MYBPC3: variants seen among roughly 807,000 people sequenced by gnomAD.
The protein encoded by MYBPC3 is myosin-binding protein C, cardiac-type.
In MYBPC3, 108 loss-of-function variants were observed where a neutral mutation model predicts 159.3. The observed-to-expected ratio is 0.68, with a 90% CI of 0.58 to 0.80. The LOEUF (loss-of-function observed/expected upper bound fraction) is 0.80. Ranked by LOEUF, MYBPC3 falls within the 30% of genes least tolerant of loss-of-function variation. The probability of loss-of-function intolerance (pLI) is 0.00; values close to 1 mark genes in which losing one functional copy is unlikely to be tolerated. For missense variants in MYBPC3, 1,631 were observed against 1,762.1 expected, an observed-to-expected ratio of 0.93 and a Z score of 1.33; for synonymous variants, 730 against 702.0, an observed-to-expected ratio of 1.04 and a Z score of -0.63.
rs573916965 is a variant in MYBPC3, at chr11:47,346,297, C to A, written c.1000G>T (p.Glu334Ter). The A allele has an allele frequency of 6.2e-7, 1 of 1,613,334 alleles. No homozygotes were observed. Among genetic ancestry groups the A allele is most frequent in the Non-Finnish European group, 8.5e-7 (1 of 1,179,604 alleles). Residue 334 changes from glutamate (E) to a stop codon, truncating the protein, a stop_gained, in exon 12 of 35, where the codon GAG becomes TAG. Coordinates refer to ENST00000545968, the MANE Select transcript of MYBPC3 (RefSeq NM_000256.3). LOFTEE classifies it high-confidence loss of function. This position sits in a 1 kb window ranked among gnomAD's most constrained non-coding sequence, Gnocchi z 5.3. ...ILRQAPPSEYERIAFQYGVTD... is the reference protein window; with the variant it reads ...ILRQAPPSEY ...ACGCCGTACTGGAAGGCGATGCGCTCGTACTCAGATGGGGGTGCCTGCCGT... is the reference window on the plus strand; with the variant it reads ...ACGCCGTACTGGAAGGCGATGCGCTAGTACTCAGATGGGGGTGCCTGCCGT...
chr11:47,337,539 C>G lies in MYBPC3; in HGVS notation c.2454G>C (p.Trp818Cys). 6.2e-7 allele frequency: 1 copy of G among 1,614,012 alleles called. No individual in the cohort carries two copies. Among genetic ancestry groups the G allele is most frequent in the Non-Finnish European group, 8.5e-7 (1 of 1,179,896 alleles). The change falls in exon 25 of 35, where the codon TGG becomes TGC. Residue 818 changes from tryptophan (W) to cysteine (C), a missense_variant. Coordinates refer to ENST00000545968, the MANE Select transcript of MYBPC3 (RefSeq NM_000256.3). ...LERKKKKSYRWMRLNFDLIQE... is the reference protein window; with the variant it reads ...LERKKKKSYRCMRLNFDLIQE... ...GAATCAGGTCGAAGTTCAGCCGCATCCACCGGTAGCTCTTCTTCTTCTTGC... is the reference window on the plus strand; with the variant it reads ...GAATCAGGTCGAAGTTCAGCCGCATGCACCGGTAGCTCTTCTTCTTCTTGC...
In MYBPC3 at chr11:47,337,721, C is replaced by T. The variant is rs1565625459; in HGVS notation, c.2382G>A (p.Pro794=). The T allele has an allele frequency of 1.3e-6, 2 of 1,567,680 alleles. No individual in the cohort carries two copies. The highest frequency in any genetic ancestry group is 1.7e-6 in the Non-Finnish European group (2 of 1,156,236). ...GEDSCTVQWE[P]PAYDGGQPIL... The stretch of plus-strand genomic sequence containing the variant: ...TGGGCTGCCCGCCATCGTAGGCAGG[C>T]GGCTCCCACTGTACTGTGCAGGAGT... Residue 794 remains proline (P), a synonymous_variant, in exon 24 of 35, where the codon CCG becomes CCA. Coordinates refer to ENST00000545968, the MANE Select transcript of MYBPC3 (RefSeq NM_000256.3).
Position 47,333,959 on chromosome 11 carries a change from T to C in MYBPC3, c.2957A>G (p.Lys986Arg). The change falls in exon 28 of 35, where the codon AAG becomes AGG. Residue 986 changes from lysine (K) to arginine (R), a missense_variant. By Grantham distance (26) the Lys-to-Arg change is conservative. Coordinates refer to ENST00000545968, the MANE Select transcript of MYBPC3 (RefSeq NM_000256.3). ...PRHLRQTIQK[K>R]VGEPVNLLIP... ...GAGAAGGTTCACAGGCTCCCCGACCTTCTTCTGAATGGTCTGGCGCAGGTG... is the reference window on the plus strand; with the variant it reads ...GAGAAGGTTCACAGGCTCCCCGACCCTCTTCTGAATGGTCTGGCGCAGGTG... 6.3e-7 allele frequency: 1 copy of C among 1,584,740 alleles called. No homozygotes were observed. The highest frequency in any genetic ancestry group is 1.3e-5 in the African/African-American group (1 of 74,424).
rs895885502 is a variant in MYBPC3, at chr11:47,338,858, G to A, written c.2149-179C>T. Among the ~76,000 whole-genome samples, 11 of 152,122 alleles carry A rather than the reference G, an allele frequency of 7.2e-5. No homozygotes were observed. The highest frequency in any genetic ancestry group is 5.2e-4 in the Admixed American group (8 of 15,282). Reference sequence around the variant, plus strand: ...TGGCACCGACTGAGGGCAGGGGCTCGGGTTCTAGCTTTGTCACGGGACCTG... The same window carrying A: ...TGGCACCGACTGAGGGCAGGGGCTCAGGTTCTAGCTTTGTCACGGGACCTG... On this transcript the variant is annotated intron_variant, in intron 22 of 34. Transcript: ENST00000545968. The surrounding 1 kb of genome is among the most constrained non-coding windows in gnomAD (Gnocchi z 4.7).
chr11:47,332,119 G>A lies in MYBPC3; in HGVS notation c.3767C>T (p.Thr1256Ile), dbSNP rs775370325. Residue 1256 changes from threonine (T) to isoleucine (I), a missense_variant, in exon 33 of 35, where the codon ACC (threonine) becomes ATC (isoleucine). Physicochemically the swap from Thr to Ile is moderately conservative, Grantham distance 89. Transcript: ENST00000545968. The surrounding 1 kb of genome is among the most constrained non-coding windows in gnomAD (Gnocchi z 4.2). ...FDGGIYVCRATNLQGEARCEC... is the reference protein window; with the variant it reads ...FDGGIYVCRAINLQGEARCEC... ...ACACCGTGCCTCGCCCTGTAAGTTG[G>A]TGGCCCTGCAGACATAGATGCCCCC... The A allele has an allele frequency of 1.9e-6, 3 of 1,613,546 alleles. No individual in the cohort carries two copies. Among genetic ancestry groups the A allele is most frequent in the Middle Eastern group, 1.7e-4 (1 of 6,060 alleles).
intron 20 of MYBPC3, among the ~76,000 whole-genome samples, chr11:47,340,304 C>A (rs2095887276): frequency 6.6e-6 from 1 of 152,142 alleles, no homozygotes; most frequent in African/African-American, 2.4e-5. Context: ...CGCACACATG[C>A]ACGCACACAT....
chr11:47,348,908 T>TTATATATATACATATATATATATA (rs2095897356), intron 5 of MYBPC3, among the ~76,000 whole-genome samples: 1 of 39,884 alleles, frequency 2.5e-5, no homozygotes, highest in Admixed American at 3.1e-4. Context: ...CTGTCTCAAA[T>TTATATATATACATATATATATATA]TATATATATA....
intron 20 of MYBPC3, 81 bp downstream of exon 20, chr11:47,340,922 C>G: frequency 7.1e-7 from 1 of 1,410,780 alleles, no homozygotes; most frequent in Non-Finnish European, 9.4e-7. Flanking sequence ...TTGCTCTTCC[C>G]TCTGTGAGTG....
At position 47,349,710 on chromosome 11, in the gene MYBPC3, C is replaced by T. The variant is rs11570053; in HGVS notation, c.654+64G>A. On this transcript the variant is annotated intron_variant, in intron 5 of 34. Transcript: ENST00000545968. Reference sequence around the variant, plus strand: ...GGGTCTCATGGTGCCCTCTGTGTGCCTTGTGCCTTCTAGGGCTCTCCATGT... The same window carrying T: ...GGGTCTCATGGTGCCCTCTGTGTGCTTTGTGCCTTCTAGGGCTCTCCATGT... 4,212 of 1,556,558 alleles carry T rather than the reference C, an allele frequency of 2.7e-3. 17 individuals are homozygous for T. The highest frequency in any genetic ancestry group is 8.1e-3 in the South Asian group (682 of 84,384).
At position 47,346,354 on chromosome 11, in the gene MYBPC3, C is replaced by T. The variant is rs749867888; in HGVS notation, c.943G>A (p.Ala315Thr). 1 of 1,595,210 alleles carries T rather than the reference C, an allele frequency of 6.3e-7. No homozygotes were observed. Among genetic ancestry groups the T allele is most frequent in the Admixed American group, 1.7e-5 (1 of 57,694 alleles). ...FRTPRDSKLEAPAEEDVWEIL... is the reference protein window; with the variant it reads ...FRTPRDSKLETPAEEDVWEIL... ...TCCCACACGTCCTCCTCTGCTGGTG[C>T]CTCCAGCTTCGAGTCCCTGTGTCCC... is the stretch of plus-strand genomic sequence containing the variant. Residue 315 changes from alanine (A) to threonine (T), a missense_variant, in exon 12 of 35, where the codon GCA becomes ACA. Physicochemically the swap from Ala to Thr is moderately conservative, Grantham distance 58 (BLOSUM62 0). Transcript: ENST00000545968. This position sits in a 1 kb window ranked among gnomAD's most constrained non-coding sequence, Gnocchi z 5.3.
chr11:47,346,554 G>A lies in MYBPC3; in HGVS notation c.926+73C>T. On this transcript the variant is annotated intron_variant, in intron 11 of 34. Transcript: ENST00000545968. The surrounding 1 kb of genome is among the most constrained non-coding windows in gnomAD (Gnocchi z 5.3). ...GACTGGGGGCCAAGGGAGCTGAAGA[G>A]GGGCTGGGGATCTGGAGGGGCTCCT... 1.3e-6 allele frequency: 2 copies of A among 1,517,592 alleles called. No individual in the cohort carries two copies. The highest frequency in any genetic ancestry group is 2.3e-5 in the East Asian group (1 of 43,748). 94.0% of individuals were successfully genotyped at this position (1,517,592 alleles called of 1,614,324 possible).
Position 47,346,905 on chromosome 11 carries a change from G to A in MYBPC3, c.908+122C>T. The A allele has an allele frequency of 2.7e-6, 2 of 734,176 alleles. No individual in the cohort carries two copies. Among genetic ancestry groups the A allele is most frequent in the East Asian group, 2.6e-5 (1 of 38,894 alleles). The allele number at this position is 734,176 out of a possible 1,614,324, so 45.5% of individuals were successfully genotyped here. A position where few individuals can be genotyped will look rare whatever the true frequency, so the allele number is the denominator to read the frequency against. ...GCCCAAGGCACAGAGACTCACCCCTGTCCGTGGGGAGCCGCACCCTGCTCT... is the reference window on the plus strand; with the variant it reads ...GCCCAAGGCACAGAGACTCACCCCTATCCGTGGGGAGCCGCACCCTGCTCT... On this transcript the variant is annotated intron_variant, in intron 10 of 34. Coordinates refer to ENST00000545968, the MANE Select transcript of MYBPC3 (RefSeq NM_000256.3). The surrounding 1 kb of genome is among the most constrained non-coding windows in gnomAD (Gnocchi z 5.3).
In MYBPC3 at chr11:47,350,126, C is replaced by T. The variant is rs1565631185; in HGVS notation, c.407-14G>A. On this transcript the variant is annotated splice_polypyrimidine_tract_variant and intron_variant, in intron 3 of 34. Coordinates refer to ENST00000545968, the MANE Select transcript of MYBPC3 (RefSeq NM_000256.3). ...CTGAGCTTGACCCTGTGAGCAAAGG[C>T]TTTTTCTGTTTGTTTGAGATGGAGT... 3 of 1,550,632 alleles carry T rather than the reference C, an allele frequency of 1.9e-6. No homozygotes were observed. In the South Asian group the frequency reaches 3.6e-5, roughly 18 times the overall value.
Position 47,340,817 on chromosome 11 carries a change from G to C in MYBPC3, c.1927+186C>G, listed in dbSNP as rs563715914. ...TGGCACTATCAGGGTTCCCATTTTAGAGAAGAGGAAACTGAGGCTCACAGA... is the reference window on the plus strand; with the variant it reads ...TGGCACTATCAGGGTTCCCATTTTACAGAAGAGGAAACTGAGGCTCACAGA... On this transcript the variant is annotated intron_variant, in intron 20 of 34. Transcript: ENST00000545968. Among the ~76,000 whole-genome samples the C allele has an allele frequency of 1.5e-3, 230 of 152,342 alleles. 3 individuals are homozygous for C. Among genetic ancestry groups the C allele is most frequent in the Non-Finnish European group, 1.9e-3 (127 of 68,034 alleles).
At chr11:47,341,356 T>G in intron 18 of MYBPC3, 112 bp from the exon 19 acceptor site, 1 of 757,258 alleles carries the variant, frequency 1.3e-6, no homozygotes, top group Non-Finnish European at 2.1e-6. Context: ...CTTGTTGGTA[T>G]TCTGATTTTT....
chr11:47,337,551 C>T lies in MYBPC3; in HGVS notation c.2442G>A (p.Lys814=), dbSNP rs1333106734. The T allele has an allele frequency of 1.9e-6, 3 of 1,612,120 alleles. No homozygotes were observed. The Admixed American group carries it at 5.0e-5, about 27-fold the overall frequency. The change falls in exon 25 of 35, where the codon AAG becomes AAA. Residue 814 remains lysine, a synonymous_variant. Coordinates refer to ENST00000545968, the MANE Select transcript of MYBPC3 (RefSeq NM_000256.3). ...LGYILERKKK[K]SYRWMRLNFD... ...AGTTCAGCCGCATCCACCGGTAGCT[C>T]TTCTTCTTCTTGCGCTCCAGGATGT...
intron 3 of MYBPC3, 51 bp downstream of exon 3, chr11:47,350,451 T>C: frequency 2.6e-6 from 4 of 1,538,764 alleles, no homozygotes; most frequent in Non-Finnish European, 2.6e-6. Context: ...AGACCTGCCC[T>C]GGACACGCCC....
Position 47,342,876 on chromosome 11 carries a change from C to A in MYBPC3, c.1411G>T (p.Val471Leu). The change falls in exon 16 of 35, where the codon GTG (valine) becomes TTG (leucine). Residue 471 changes from valine (V) to leucine (L), a missense_variant. By Grantham distance (32) the Val-to-Leu change is conservative (BLOSUM62 1). Transcript: ENST00000545968. ...EDQLVMVGQRVEFECEVSEEG... is the reference protein window; with the variant it reads ...EDQLVMVGQRLEFECEVSEEG... ...TCCGATACTTCACACTCAAACTCCA[C>A]CCGCTGCCCCACCATCACCAGCTGG... is the stretch of plus-strand genomic sequence containing the variant. The A allele has an allele frequency of 6.2e-7, 1 of 1,613,192 alleles. No individual in the cohort carries two copies. The highest frequency in any genetic ancestry group is 8.5e-7 in the Non-Finnish European group (1 of 1,179,518).
At position 47,338,566 on chromosome 11, in the gene MYBPC3, C is replaced by T; in HGVS notation, c.2262G>A (p.Lys754=). 6.2e-7 allele frequency: 1 copy of T among 1,614,064 alleles called. No individual in the cohort carries two copies. The highest frequency in any genetic ancestry group is 8.5e-7 in the Non-Finnish European group (1 of 1,179,908). ...TGACCTGGTCCTCGCCCACAGGGTT[C>T]TTCACTGTGACCGTGTAGACGCCCT... ...EDEGVYTVTV[K]NPVGEDQVNL... Residue 754 remains lysine (K), a synonymous_variant, in exon 23 of 35, where the codon AAG becomes AAA. Coordinates refer to ENST00000545968, the MANE Select transcript of MYBPC3 (RefSeq NM_000256.3). The surrounding 1 kb of genome is among the most constrained non-coding windows in gnomAD (Gnocchi z 4.7).
Sources: allele counts gnomAD v4.1 joint callset (sites outside exome capture counted in the v4.1 genomes callset), GRCh38; gene constraint gnomAD v4.1.1; non-coding constraint Gnocchi (gnomAD v3.1); transcripts MANE v1.5; gene names NCBI Gene and HGNC (gene_info 2026-07-23, HGNC 2026-07-21).